Variants in PDE4D observed in about 807,000 individuals in gnomAD.
PDE4D encodes 3',5'-cyclic-AMP phosphodiesterase 4D.
Under a neutral mutation model 87.4 loss-of-function variants are expected in PDE4D, and 24 were observed. That is an observed-to-expected ratio of 0.27 (90% confidence interval 0.20 to 0.39). PDE4D has a LOEUF of 0.39. Ranked by LOEUF, PDE4D falls within the 10% of genes least tolerant of loss-of-function variation. The pLI, the probability that PDE4D is intolerant of heterozygous loss-of-function variation, is 1.00. For missense variants in PDE4D, 714 were observed against 1,041.0 expected (o/e 0.69, Z 4.32); for synonymous variants, 384 against 383.2 (o/e 1.00, Z -0.02).
intron 2 of PDE4D, among the ~76,000 whole-genome samples, chr5:59,205,513 C>T (rs1312369219): frequency 6.6e-6 from 1 of 152,026 alleles, no homozygotes; most frequent in Non-Finnish European, 1.5e-5. Context: ...TGGATTTAGA[C>T]TATTCTGAAG....
intron 1 of PDE4D, among the ~76,000 whole-genome samples, chr5:60,270,757 A>T (rs1441835775): frequency 6.6e-6 from 1 of 152,194 alleles, no homozygotes; most frequent in Non-Finnish European, 1.5e-5. Flanking sequence ...TCCGCTTATC[A>T]TTCAGATGTC....
chr5:59,307,338 A>G (rs1338256830), intron 1 of PDE4D, among the ~76,000 whole-genome samples: 1 of 148,838 alleles, frequency 6.7e-6, no homozygotes, highest in East Asian at 2.0e-4. Flanking sequence ...AGCAATGGCA[A>G]CAAAAGCCAA....
At chr5:60,079,973 G>A (rs1440594027) in intron 2 of PDE4D, among the ~76,000 whole-genome samples, 1 of 152,142 alleles carries the variant, frequency 6.6e-6, no homozygotes. Flanking sequence ...GGGCAGTATG[G>A]TCATTTTCAT....
At chr5:59,163,373 G>C (rs1781442974) in intron 5 of PDE4D, among the ~76,000 whole-genome samples, 2 of 151,052 alleles carry the variant, frequency 1.3e-5, no homozygotes, top group South Asian at 4.2e-4. Context: ...CCAGGTTCAA[G>C]CGATTCTCCT....
rs10055869 is a variant in PDE4D, at chr5:59,259,613, G to T, written c.456-43645C>A. 2.0e-5 allele frequency among the ~76,000 whole-genome samples: 3 copies of T among 151,820 alleles called. No individual in the cohort carries two copies. In the East Asian group the frequency reaches 5.8e-4, roughly 29 times the overall value. The stretch of plus-strand genomic sequence containing the variant: ...GCTGAAACATGCTTCTGAAAACTAA[G>T]TGCTTTTTATTTCTTTCTTTAGAAT... On this transcript the variant is annotated intron_variant, in intron 1 of 14. Coordinates refer to ENST00000340635, the MANE Select transcript of PDE4D (RefSeq NM_001104631.2).
At chr5:60,097,265 T>TTGTGTGTGTGTGTGTGTGTGTGTG (rs57591657) in intron 2 of PDE4D, among the ~76,000 whole-genome samples, 1,473 of 146,532 alleles carry the variant, frequency 0.01, 22 homozygotes, top group African/African-American at 0.027. Context: ...TGCTATGAAG[T>TTGTGTGTGTGTGTGTGTGTGTGTG]TGTGTGTGTG....
At chr5:59,680,333 G>C (rs1465474891) in intron 1 of PDE4D, among the ~76,000 whole-genome samples, 8 of 152,090 alleles carry the variant, frequency 5.3e-5, no homozygotes, top group Non-Finnish European at 7.4e-5. Context: ...CAGATTTTCT[G>C]ATTTAGATCA....
At chr5:60,259,431 G>A (rs1257032105) in intron 1 of PDE4D, among the ~76,000 whole-genome samples, 3 of 152,022 alleles carry the variant, frequency 2.0e-5, no homozygotes, top group Non-Finnish European at 4.4e-5. Context: ...CAAGGTAATA[G>A]GCAAATTTAT....
chr5:59,873,524 A>T (rs114887998), intron 1 of PDE4D, among the ~76,000 whole-genome samples: 1 of 152,222 alleles, frequency 6.6e-6, no homozygotes, highest in Admixed American at 6.5e-5. Flanking sequence ...AAGGCTTAAA[A>T]GGGCATGAGA....
At chr5:60,350,335 A>G (rs963274039) in intron 1 of PDE4D, among the ~76,000 whole-genome samples, 6 of 152,124 alleles carry the variant, frequency 3.9e-5, no homozygotes, top group African/African-American at 1.4e-4. Context: ...TTTCCTTGTC[A>G]AGATCTTTTC....
chr5:59,640,134 T>C (rs1280698571), intron 1 of PDE4D, among the ~76,000 whole-genome samples: 2 of 152,154 alleles, frequency 1.3e-5, no homozygotes, highest in African/African-American at 2.4e-5. Flanking sequence ...GCAGTGTCTA[T>C]TGTTTTTTGA....
intron 4 of PDE4D, among the ~76,000 whole-genome samples, chr5:59,184,322 T>C (rs1457062866): frequency 1.3e-5 from 2 of 152,162 alleles, no homozygotes; most frequent in African/African-American, 4.8e-5. Flanking sequence ...CTATTTTTGA[T>C]AATGAAAAAC....
At chr5:59,204,145 T>C (rs1008215786) in intron 2 of PDE4D, among the ~76,000 whole-genome samples, 9 of 150,936 alleles carry the variant, frequency 6.0e-5, no homozygotes, top group Non-Finnish European at 1.0e-4. Flanking sequence ...TATTTGTTGA[T>C]GAAAAATAAA....
intron 1 of PDE4D, among the ~76,000 whole-genome samples, chr5:59,716,117 C>T (rs1369858358): frequency 2.0e-5 from 3 of 152,110 alleles, no homozygotes; most frequent in Non-Finnish European, 2.9e-5. Flanking sequence ...CAAAAATAGG[C>T]CGAAGCAGAC....
intron 2 of PDE4D, among the ~76,000 whole-genome samples, chr5:60,175,789 G>A (rs981786623): frequency 6.6e-6 from 1 of 152,106 alleles, no homozygotes; most frequent in Admixed American, 6.5e-5. Flanking sequence ...TAGGTAATGT[G>A]TACCTCTGTA....
chr5:59,429,757 T>C (rs550741338), intron 1 of PDE4D, among the ~76,000 whole-genome samples: 8 of 152,244 alleles, frequency 5.3e-5, no homozygotes, highest in African/African-American at 1.9e-4. Context: ...TGATACTACA[T>C]AAAAAGGGTG....
chr5:59,315,488 T>A (rs2153568367), intron 1 of PDE4D, among the ~76,000 whole-genome samples: 1 of 151,850 alleles, frequency 6.6e-6, no homozygotes, highest in South Asian at 2.1e-4. Context: ...TTAGGGTAGG[T>A]AGATAGGTGG....
intron 5 of PDE4D, among the ~76,000 whole-genome samples, chr5:59,166,876 A>G (rs749289614): frequency 2.0e-5 from 3 of 152,238 alleles, no homozygotes; most frequent in Admixed American, 6.5e-5. Flanking sequence ...AGCCACTTCC[A>G]AAATGCTTTC....
chr5:60,401,445 G>A (rs1741075323), intron 1 of PDE4D, among the ~76,000 whole-genome samples: 1 of 152,318 alleles, frequency 6.6e-6, no homozygotes, highest in East Asian at 1.9e-4. Flanking sequence ...AAGCTGCAAA[G>A]AGTAAATGAC....
Sources: gnomAD v4.1 joint callset for allele counts (sites outside exome capture counted in the v4.1 genomes callset) on GRCh38, gnomAD v4.1.1 for gene constraint, MANE v1.5 for transcripts, NCBI Gene and HGNC (gene_info 2026-07-23, HGNC 2026-07-21) for gene names.